Variants in TTLL9 observed in about 807,000 individuals in gnomAD.
TTLL9 encodes tubulin tyrosine ligase like 9.
A neutral mutation model predicts 65.6 loss-of-function variants in TTLL9; 47 were observed. The observed-to-expected ratio is 0.72, with a 90% confidence interval of 0.57 to 0.91. The LOEUF (loss-of-function observed/expected upper bound fraction) is 0.91, where lower values mean the gene tolerates loss of function less well. TTLL9 is among the 40% of genes least tolerant of loss of function. The pLI is 0.00. For missense variants in TTLL9, 537 were observed against 568.8 expected (o/e 0.94, Z 0.57); for synonymous variants, 179 against 204.8 (o/e 0.87, Z 1.07).
rs115098038 is a variant in TTLL9, at chr20:31,876,687, A to G, written c.69+5492A>G. Among the ~76,000 whole-genome samples the G allele has an allele frequency of 2.8e-3, 433 of 152,310 alleles. 2 individuals carry two copies. Among genetic ancestry groups the G allele is most frequent in the African/African-American group, 1.0e-2 (415 of 41,560 alleles). ...CTATAAGATATCGTCTAGTAGTGGA[A>G]TATCTGGGTTGTAAGGTGTGTGCAT... On this transcript the variant is annotated intron_variant, in intron 2 of 14. Coordinates refer to ENST00000535842, the MANE Select transcript of TTLL9 (RefSeq NM_001008409.5).
chr20:31,890,582 C>T (rs1479505882), intron 3 of TTLL9, among the ~76,000 whole-genome samples: 2 of 152,116 alleles, frequency 1.3e-5, no homozygotes, highest in Admixed American at 1.3e-4. Context: ...GAAGGTAATT[C>T]CAGTGAGCAC....
At position 31,870,654 on chromosome 20, in the gene TTLL9, C is replaced by T; in HGVS notation, c.-301C>T. 1 of 1,261,304 alleles carries T rather than the reference C, an allele frequency of 7.9e-7. No homozygotes were observed. Among genetic ancestry groups the T allele is most frequent in the Non-Finnish European group, 1.0e-6 (1 of 989,886 alleles). The allele number at this position is 1,261,304 out of a possible 1,614,324, so 78.1% of individuals were successfully genotyped here. On this transcript the variant is annotated 5_prime_UTR_variant, in exon 1 of 15. Transcript: ENST00000535842. This position sits in a 1 kb window ranked among gnomAD's most constrained non-coding sequence, Gnocchi z 6.6. ...GCCCCAGTGTGCCGGGCCCACGGCC[C>T]GCGGGACAACGGCAGTTTGTTGGGG...
chr20:31,933,640 G>A (rs916276131), intron 10 of TTLL9, among the ~76,000 whole-genome samples, 160 bp from the exon 11 acceptor site: 4 of 152,152 alleles, frequency 2.6e-5, no homozygotes, highest in African/African-American at 9.7e-5. Context: ...GATGCAGGCA[G>A]GATTTGAATC....
In TTLL9 at chr20:31,926,095, T is replaced by G. The variant is rs746673296; in HGVS notation, c.748+4T>G. 164 of 1,590,226 alleles carry G rather than the reference T, an allele frequency of 1.0e-4. No individual in the cohort carries two copies. The highest frequency in any genetic ancestry group is 1.7e-4 in the Middle Eastern group (1 of 6,022). On this transcript the variant is annotated splice_donor_region_variant and intron_variant, in intron 10 of 14. Transcript: ENST00000535842. Reference sequence around the variant, plus strand: ...TGGTCTGGGCACAGGAGACAGGGTATGAGATAGGTCTGGTCCCTTCCCTCC... The same window carrying G: ...TGGTCTGGGCACAGGAGACAGGGTAGGAGATAGGTCTGGTCCCTTCCCTCC...
rs1344917339 is a variant in TTLL9, at chr20:31,937,395, G to C, written c.1005-1G>C. ...GACTCTCTACTCCCCTCCCTTCCCA[G>C]GTGGCTCCTGGAGGTCAATGCGTCC... On this transcript the variant is annotated splice_acceptor_variant, in intron 12 of 14. Coordinates refer to ENST00000535842, the MANE Select transcript of TTLL9 (RefSeq NM_001008409.5). LOFTEE classifies it high-confidence loss of function. The C allele has an allele frequency of 6.2e-7, 1 of 1,613,118 alleles. No homozygotes were observed. Among genetic ancestry groups the C allele is most frequent in the South Asian group, 1.1e-5 (1 of 91,060 alleles).
At position 31,924,989 on chromosome 20, in the gene TTLL9, AT is replaced by A. The variant is rs2063875629; in HGVS notation, c.665-14del. The A allele has an allele frequency of 3.7e-6, 6 of 1,613,692 alleles. No homozygotes were observed. In the South Asian group the frequency reaches 5.5e-5, roughly 15 times the overall value. ...CGATCAATATTTGTTGCACAAATTAATTTTTTCCTTGCCTGACAGGCCGCAA... is the reference window on the plus strand; with the variant it reads ...CGATCAATATTTGTTGCACAAATTAATTTTTCCTTGCCTGACAGGCCGCAA... On this transcript the variant is annotated intron_variant, in intron 8 of 14. Transcript: ENST00000535842.
chr20:31,897,387 T>A (rs780206962), intron 3 of TTLL9, among the ~76,000 whole-genome samples: 2 of 152,246 alleles, frequency 1.3e-5, no homozygotes, highest in Non-Finnish European at 2.9e-5. Context: ...GTTTCAGTCC[T>A]CATATTGGGT....
intron 6 of TTLL9, among the ~76,000 whole-genome samples, chr20:31,912,100 A>G (rs1196538666): frequency 6.6e-6 from 1 of 152,174 alleles, no homozygotes; most frequent in Non-Finnish European, 1.5e-5. Flanking sequence ...GAATACAGTG[A>G]AGTTACACAC....
Position 31,943,094 on chromosome 20 carries a change from A to G in TTLL9, c.*73A>G. 1 of 1,354,948 alleles carries G rather than the reference A, an allele frequency of 7.4e-7. No homozygotes were observed. The highest frequency in any genetic ancestry group is 1.1e-6 in the Non-Finnish European group (1 of 950,304). The allele number at this position is 1,354,948 out of a possible 1,614,324, so 83.9% of individuals were successfully genotyped here. A position where few individuals can be genotyped will look rare whatever the true frequency, so the allele number is the denominator to read the frequency against. ...CTCCCCCCCACTCCCAGATCCCAGC[A>G]CAGCACCTCACAGCATTCGCCTCCC... On this transcript the variant is annotated 3_prime_UTR_variant, in exon 15 of 15. Coordinates refer to ENST00000535842, the MANE Select transcript of TTLL9 (RefSeq NM_001008409.5).
intron 4 of TTLL9, among the ~76,000 whole-genome samples, chr20:31,904,843 A>G (rs1053043721): frequency 2.0e-5 from 3 of 152,118 alleles, no homozygotes; most frequent in African/African-American, 7.2e-5. Flanking sequence ...CCTAGAGGTT[A>G]CCACACCTAG....
intron 12 of TTLL9, 104 bp downstream of exon 12, chr20:31,934,992 T>C: frequency 9.1e-7 from 1 of 1,104,062 alleles, no homozygotes; most frequent in Non-Finnish European, 1.3e-6. Flanking sequence ...TTGTATAACC[T>C]TGTGCACACT....
chr20:31,901,692 C>G (rs1398140873), intron 4 of TTLL9, among the ~76,000 whole-genome samples: 4 of 152,190 alleles, frequency 2.6e-5, no homozygotes. Context: ...CCTGCTCTTC[C>G]CAGTGCTAGA....
At chr20:31,880,649 C>G (rs965481301) in intron 2 of TTLL9, among the ~76,000 whole-genome samples, 1 of 151,948 alleles carries the variant, frequency 6.6e-6, no homozygotes, top group Non-Finnish European at 1.5e-5. Flanking sequence ...CTCGCCACCA[C>G]GCCCAGCTAA....
chr20:31,918,283 C>T (rs551056843), intron 6 of TTLL9, among the ~76,000 whole-genome samples: 16 of 152,146 alleles, frequency 1.1e-4, no homozygotes, highest in South Asian at 1.0e-3. Context: ...AGTGTTTGTC[C>T]GAGATGACGA....
At chr20:31,911,622 G>C (rs2063648332) in intron 6 of TTLL9, among the ~76,000 whole-genome samples, 1 of 152,214 alleles carries the variant, frequency 6.6e-6, no homozygotes, top group South Asian at 2.1e-4. Context: ...GTAGGGATTA[G>C]GCTGATGAGC....
intron 6 of TTLL9, among the ~76,000 whole-genome samples, chr20:31,916,778 A>G (rs897948896): frequency 1.3e-5 from 2 of 152,134 alleles, no homozygotes; most frequent in Middle Eastern, 3.2e-3. Context: ...AGCCCGGGAT[A>G]TTTCTTCCCG....
chr20:31,937,619 C>T (rs2064135638), intron 13 of TTLL9, 110 bp downstream of exon 13: 1 of 791,558 alleles, frequency 1.3e-6, no homozygotes, highest in Non-Finnish European at 2.0e-6. Context: ...TCAGCGATGG[C>T]TCTGGCCTGC....
chr20:31,911,831 CGTGTGTGTGTGTGTGTGTGTGTGT>C (rs55996863), intron 6 of TTLL9, among the ~76,000 whole-genome samples: 11 of 142,324 alleles, frequency 7.7e-5, no homozygotes, highest in South Asian at 4.9e-4. Context: ...TGTGTCTGTG[CGTGTGTGTGTGTGTGTGTGTGTGT>C]GTGTGTGTGT....
At chr20:31,901,689 T>G (rs1167227452) in intron 4 of TTLL9, among the ~76,000 whole-genome samples, 1 of 152,196 alleles carries the variant, frequency 6.6e-6, no homozygotes, top group Non-Finnish European at 1.5e-5. Context: ...GTCCCTGCTC[T>G]TCCCAGTGCT....
Sources: allele counts gnomAD v4.1 joint callset (sites outside exome capture counted in the v4.1 genomes callset), GRCh38; gene constraint gnomAD v4.1.1; non-coding constraint Gnocchi (gnomAD v3.1); transcripts MANE v1.5; gene names NCBI Gene and HGNC (gene_info 2026-07-23, HGNC 2026-07-21).